The following YPEL1 variants were observed in gnomAD, a reference collection of about 807,000 sequenced individuals.
YPEL1 encodes the protein yippee like 1.
Under a neutral mutation model 17.3 loss-of-function variants are expected in YPEL1, and 7 were observed. That is an observed-to-expected ratio of 0.40 (90% CI 0.23 to 0.76). The LOEUF is 0.76. Among genes scored for constraint, YPEL1 ranks in the 30% least tolerant of loss-of-function variants. The pLI, the probability that YPEL1 is intolerant of heterozygous loss-of-function variation, is 0.35. For missense variants in YPEL1, 91 were observed against 155.5 expected, an observed-to-expected ratio of 0.59 and a Z score of 2.21; for synonymous variants, 59 against 59.6, an observed-to-expected ratio of 0.99 and a Z score of 0.05.
chr22:21,708,010 T>C (rs1407891185), intron 2 of YPEL1, among the ~76,000 whole-genome samples: 1 of 152,168 alleles, frequency 6.6e-6, no homozygotes, highest in Non-Finnish European at 1.5e-5. Context: ...ACAGGCTCCC[T>C]CGAGCCAGGG....
In YPEL1 at chr22:21,703,298, G is replaced by A. The variant is rs55836932; in HGVS notation, c.270+72C>T. ...ACTGGTACCATGGGCCACACTGCAC[G>A]GGGAGGTGTGGCTCAGTGGCAACTT... is the stretch of plus-strand genomic sequence containing the variant. On this transcript the variant is annotated intron_variant, in intron 4 of 4. Transcript: ENST00000339468. The surrounding 1 kb of genome is among the most constrained non-coding windows in gnomAD (Gnocchi z 6.1). The A allele has an allele frequency of 1.7e-3, 2,183 of 1,310,752 alleles. 34 individuals carry two copies. The African/African-American group carries it at 0.028, about 17-fold the overall frequency. The allele number at this position is 1,310,752 out of a possible 1,614,324, so 81.2% of individuals were successfully genotyped here.
At chr22:21,707,841 G>C (rs1472525729) in intron 2 of YPEL1, among the ~76,000 whole-genome samples, 3 of 152,184 alleles carry the variant, frequency 2.0e-5, no homozygotes, top group African/African-American at 7.2e-5. Context: ...AGGCTTTGGA[G>C]GACATATGGT....
chr22:21,703,761 C>G lies in YPEL1; in HGVS notation c.161+78G>C. 1.3e-6 allele frequency: 2 copies of G among 1,493,920 alleles called. No individual in the cohort carries two copies. The highest frequency in any genetic ancestry group is 1.8e-6 in the Non-Finnish European group (2 of 1,094,170). The allele number at this position is 1,493,920 out of a possible 1,614,324, so 92.5% of individuals were successfully genotyped here. A position where few individuals can be genotyped will look rare whatever the true frequency, so the allele number is the denominator to read the frequency against. On this transcript the variant is annotated intron_variant, in intron 3 of 4. Transcript: ENST00000339468. This position sits in a 1 kb window ranked among gnomAD's most constrained non-coding sequence, Gnocchi z 6.1. ...ACCCCTAAAGACCCAGGTGATTCTA[C>G]ACAGGGCACTGTGTAGGTGCCATCC...
intron 1 of YPEL1, among the ~76,000 whole-genome samples, chr22:21,723,408 T>C (rs762474372): frequency 2.0e-5 from 3 of 151,554 alleles, no homozygotes; most frequent in Non-Finnish European, 4.4e-5. Flanking sequence ...CACTCTGTCA[T>C]CCAGGCTGGA....
rs2068025887 is a variant in YPEL1, at chr22:21,698,578, T to A, written c.*2551A>T. The A allele has an allele frequency of 6.6e-6, 1 of 152,312 alleles. No individual in the cohort carries two copies. The highest frequency in any genetic ancestry group is 6.6e-5 in the Admixed American group (1 of 15,266). 9.4% of individuals were successfully genotyped at this position (152,312 alleles called of 1,614,324 possible). A position where few individuals can be genotyped will look rare whatever the true frequency, so the allele number is the denominator to read the frequency against. On this transcript the variant is annotated 3_prime_UTR_variant, in exon 5 of 5. Coordinates refer to ENST00000339468, the MANE Select transcript of YPEL1 (RefSeq NM_013313.5). ...GGGCATCGGAGGCTGGGTTCCCACA[T>A]GGGAGAGGAATGAAGACTCACTCAA...
At chr22:21,708,205 C>T (rs1350336601) in intron 2 of YPEL1, among the ~76,000 whole-genome samples, 1 of 152,058 alleles carries the variant, frequency 6.6e-6, no homozygotes, top group Non-Finnish European at 1.5e-5. Flanking sequence ...CCCGGCCCAT[C>T]ACCCATGGAG....
chr22:21,711,978 A>G (rs899930155), intron 1 of YPEL1, among the ~76,000 whole-genome samples: 1 of 152,030 alleles, frequency 6.6e-6, no homozygotes. Flanking sequence ...ACTCAAAACC[A>G]GCCTGGGCAA....
At chr22:21,713,047 G>A (rs191480200) in intron 1 of YPEL1, among the ~76,000 whole-genome samples, 1 of 152,252 alleles carries the variant, frequency 6.6e-6, no homozygotes, top group Admixed American at 6.5e-5. Flanking sequence ...AGGCAGACAA[G>A]GACCACGTTG....
chr22:21,724,298 G>T (rs2068311446), intron 1 of YPEL1, among the ~76,000 whole-genome samples: 1 of 152,106 alleles, frequency 6.6e-6, no homozygotes, highest in African/African-American at 2.4e-5. Flanking sequence ...CAGCACTTTG[G>T]GAGGCCAAGG....
intron 1 of YPEL1, among the ~76,000 whole-genome samples, chr22:21,713,603 G>C (rs1453228654): frequency 1.3e-5 from 2 of 152,172 alleles, no homozygotes; most frequent in East Asian, 3.9e-4. Context: ...CGCTTCATGG[G>C]TGCAGTGTTT....
intron 1 of YPEL1, among the ~76,000 whole-genome samples, chr22:21,728,926 TG>T (rs2068361730): frequency 6.6e-6 from 1 of 152,152 alleles, no homozygotes; most frequent in Non-Finnish European, 1.5e-5. Context: ...GTGGATCACC[TG>T]AAGTCAGGAG....
chr22:21,717,162 G>A (rs2068233207), intron 1 of YPEL1, among the ~76,000 whole-genome samples: 1 of 152,052 alleles, frequency 6.6e-6, no homozygotes, highest in Admixed American at 6.6e-5. Flanking sequence ...CGGATCACAA[G>A]GTCAGGAGTT....
rs2068088200 is a variant in YPEL1 at position 21,703,713 on chromosome 22, G to A, written c.161+126C>T. The stretch of plus-strand genomic sequence containing the variant: ...TAGCGCGTTTCAGAAACTCCCGGCG[G>A]GGGGATGGTGGGTTCTTTCAGGACC... On this transcript the variant is annotated intron_variant, in intron 3 of 4. Transcript: ENST00000339468. The surrounding 1 kb of genome is among the most constrained non-coding windows in gnomAD (Gnocchi z 6.1). The A allele has an allele frequency of 1.8e-6, 2 of 1,114,962 alleles. No individual in the cohort carries two copies. Among genetic ancestry groups the A allele is most frequent in the South Asian group, 3.0e-5 (2 of 65,670 alleles). 69.1% of individuals were successfully genotyped at this position (1,114,962 alleles called of 1,614,324 possible).
intron 2 of YPEL1, among the ~76,000 whole-genome samples, chr22:21,709,166 G>A (rs1428618980): frequency 2.0e-5 from 3 of 152,124 alleles, no homozygotes; most frequent in East Asian, 3.9e-4. Flanking sequence ...CAGGTGTCAC[G>A]GGGCTCCACA....
intron 1 of YPEL1, among the ~76,000 whole-genome samples, chr22:21,711,803 T>A (rs757073531): frequency 7.2e-5 from 11 of 152,194 alleles, no homozygotes; most frequent in Non-Finnish European, 1.5e-5. Flanking sequence ...TGACATTGGA[T>A]GTGGCAATCA....
chr22:21,723,849 T>C (rs2068307155), intron 1 of YPEL1, among the ~76,000 whole-genome samples: 1 of 149,508 alleles, frequency 6.7e-6, no homozygotes, highest in African/African-American at 2.5e-5. Flanking sequence ...GTATTTTTAG[T>C]AGAGACAGGG....
At position 21,698,924 on chromosome 22, in the gene YPEL1, A is replaced by AAGAC. The variant is rs1236872954; in HGVS notation, c.*2201_*2204dup. ...GCCATAGCCGGATGTGGAGGCTTCC[A>AAGAC]AGACAGTACAAAGATTTCCTTCCTT... On this transcript the variant is annotated 3_prime_UTR_variant, in exon 5 of 5. Transcript: ENST00000339468. The AAGAC allele has an allele frequency of 2.6e-5, 4 of 152,492 alleles. No individual in the cohort carries two copies. Among genetic ancestry groups the AAGAC allele is most frequent in the African/African-American group, 9.6e-5 (4 of 41,478 alleles). The allele number at this position is 152,492 out of a possible 1,614,324, so 9.4% of individuals were successfully genotyped here.
chr22:21,703,946 A>G lies in YPEL1; in HGVS notation c.118-64T>C. 1 of 1,544,524 alleles carries G rather than the reference A, an allele frequency of 6.5e-7. No individual in the cohort carries two copies. Among genetic ancestry groups the G allele is most frequent in the African/African-American group, 1.4e-5 (1 of 73,028 alleles). On this transcript the variant is annotated intron_variant, in intron 2 of 4. Coordinates refer to ENST00000339468, the MANE Select transcript of YPEL1 (RefSeq NM_013313.5). This position sits in a 1 kb window ranked among gnomAD's most constrained non-coding sequence, Gnocchi z 6.1. Reference sequence around the variant, plus strand: ...TTTCTGGAACGAAGCGGTGCTGCCCAGAACCAGGGGAGTCCAGCCCCGCGG... The same window carrying G: ...TTTCTGGAACGAAGCGGTGCTGCCCGGAACCAGGGGAGTCCAGCCCCGCGG...
At chr22:21,712,587 G>T (rs904325391) in intron 1 of YPEL1, among the ~76,000 whole-genome samples, 2 of 151,566 alleles carry the variant, frequency 1.3e-5, no homozygotes, top group Non-Finnish European at 2.9e-5. Flanking sequence ...TTAGCCGGGC[G>T]TGGTGGCGGG....
Sources: gnomAD v4.1 joint callset for allele counts (sites outside exome capture counted in the v4.1 genomes callset) on GRCh38, gnomAD v4.1.1 for gene constraint, Gnocchi (gnomAD v3.1) non-coding constraint, MANE v1.5 for transcripts, NCBI Gene and HGNC (gene_info 2026-07-23, HGNC 2026-07-21) for gene names.